Variants in SLC39A11 observed in about 807,000 individuals in gnomAD.
SLC39A11 encodes solute carrier family 39 member 11.
In SLC39A11, 33 loss-of-function variants were observed where a neutral mutation model predicts 36.1. That is an observed-to-expected ratio of 0.91 (90% CI 0.69 to 1.22). The LOEUF (loss-of-function observed/expected upper bound fraction) is 1.22, where lower values mean the gene tolerates loss of function less well. SLC39A11 is among the 50% of genes most tolerant of loss of function. The pLI, the probability that SLC39A11 is intolerant of heterozygous loss-of-function variation, is 0.00. For synonymous variants in SLC39A11, 166 were observed against 170.3 expected, an observed-to-expected ratio of 0.97 and a Z score of 0.20; for missense variants, 432 against 430.3, an observed-to-expected ratio of 1.00 and a Z score of -0.03.
intron 4 of SLC39A11, among the ~76,000 whole-genome samples, chr17:72,955,413 A>C (rs1242416774): frequency 6.8e-6 from 1 of 147,718 alleles, no homozygotes; most frequent in African/African-American, 2.5e-5. Context: ...AGCAATTCTC[A>C]TGCCTCAGCC....
At chr17:72,899,968 GAGAGAGAGAGAGAGAAAGAA>G (rs1340540712) in intron 5 of SLC39A11, among the ~76,000 whole-genome samples, 1 of 115,236 alleles carries the variant, frequency 8.7e-6, no homozygotes, top group Non-Finnish European at 1.7e-5. Flanking sequence ...AAAAAAGAAA[GAGAGAGAGAGAGAGAAAGAA>G]AGAGAGAGAG....
At chr17:72,954,653 G>A (rs780991061) in intron 4 of SLC39A11, among the ~76,000 whole-genome samples, 49 of 152,268 alleles carry the variant, frequency 3.2e-4, no homozygotes, top group Middle Eastern at 6.8e-3. Flanking sequence ...AATGACACTC[G>A]TAACACAATC....
intron 3 of SLC39A11, among the ~76,000 whole-genome samples, chr17:73,074,432 G>C (rs2060256935): frequency 6.6e-6 from 1 of 151,634 alleles, no homozygotes; most frequent in Non-Finnish European, 1.5e-5. Context: ...CGAGTAGCTG[G>C]GATTAAATGC....
At chr17:72,754,051 T>TACACACACACACAC (rs58802713) in intron 6 of SLC39A11, among the ~76,000 whole-genome samples, 2 of 108,056 alleles carry the variant, frequency 1.9e-5, no homozygotes, top group Non-Finnish European at 3.6e-5. Flanking sequence ...TATATACACA[T>TACACACACACACAC]ACACACACAC....
chr17:72,819,472 A>G (rs955935848), intron 6 of SLC39A11, among the ~76,000 whole-genome samples: 2 of 151,336 alleles, frequency 1.3e-5, no homozygotes, highest in Non-Finnish European at 3.0e-5. Flanking sequence ...GCCCTAAGAA[A>G]CTAATATGAA....
chr17:72,656,041 T>C (rs2070101389), intron 7 of SLC39A11, among the ~76,000 whole-genome samples: 1 of 152,142 alleles, frequency 6.6e-6, no homozygotes, highest in African/African-American at 2.4e-5. Flanking sequence ...CTAAACACTC[T>C]GAGCTGACGA....
intron 5 of SLC39A11, among the ~76,000 whole-genome samples, chr17:72,861,782 A>ATATATATATATATATATATC (rs1271434359): frequency 1.1e-5 from 1 of 91,476 alleles, no homozygotes; most frequent in African/African-American, 3.9e-5. Flanking sequence ...ATATATATAT[A>ATATATATATATATATATATC]TCCAATGCTA....
At chr17:72,774,903 C>T (rs1254183268) in intron 6 of SLC39A11, among the ~76,000 whole-genome samples, 1 of 152,072 alleles carries the variant, frequency 6.6e-6, no homozygotes, top group African/African-American at 2.4e-5. Flanking sequence ...ATACCAGCTC[C>T]TTATTCCCTT....
chr17:72,781,285 A>T (rs1177501775), intron 6 of SLC39A11, among the ~76,000 whole-genome samples: 3 of 152,166 alleles, frequency 2.0e-5, no homozygotes, highest in African/African-American at 7.2e-5. Context: ...CGTCAAGAAA[A>T]CCAGCTTCAG....
intron 6 of SLC39A11, among the ~76,000 whole-genome samples, chr17:72,747,320 T>G (rs527737434): frequency 6.6e-6 from 1 of 152,284 alleles, no homozygotes; most frequent in African/African-American, 2.4e-5. Flanking sequence ...CCAGCTAATT[T>G]TTGTATTTTT....
At chr17:73,058,627 G>A (rs534571173) in intron 3 of SLC39A11, among the ~76,000 whole-genome samples, 2 of 152,196 alleles carry the variant, frequency 1.3e-5, no homozygotes, top group African/African-American at 2.4e-5. Context: ...GGAGAAAGAG[G>A]CAAGAGAATT....
At chr17:72,784,734 C>T (rs1049111087) in intron 6 of SLC39A11, among the ~76,000 whole-genome samples, 1 of 152,092 alleles carries the variant, frequency 6.6e-6, no homozygotes, top group Non-Finnish European at 1.5e-5. Flanking sequence ...TATGCCTGCT[C>T]CCCCTTCACC....
At chr17:72,994,887 T>C (rs2089409619) in intron 4 of SLC39A11, among the ~76,000 whole-genome samples, 1 of 152,200 alleles carries the variant, frequency 6.6e-6, no homozygotes, top group African/African-American at 2.4e-5. Context: ...AGGGGGTTAT[T>C]TGGGCTAATT....
chr17:72,736,588 C>T (rs1027965560), intron 7 of SLC39A11, 62 bp downstream of exon 7: 35 of 1,414,116 alleles, frequency 2.5e-5, no homozygotes, highest in South Asian at 1.3e-4. Flanking sequence ...CCAGGTGACA[C>T]GCACACCCAG....
chr17:72,864,622 G>A lies in SLC39A11; in HGVS notation c.431-14818C>T, dbSNP rs546978410. ...AGCCACTATTTCTCCATTCTGCAAG[G>A]TGGAACAGGAAAATAAACATGCTCG... On this transcript the variant is annotated intron_variant, in intron 5 of 9. Transcript: ENST00000255559. Among the ~76,000 whole-genome samples the A allele has an allele frequency of 3.3e-5, 5 of 152,266 alleles. No individual in the cohort carries two copies. The South Asian group carries it at 8.3e-4, about 25-fold the overall frequency.
intron 7 of SLC39A11, among the ~76,000 whole-genome samples, chr17:72,699,874 T>G (rs1191968447): frequency 6.6e-6 from 1 of 152,170 alleles, no homozygotes; most frequent in Non-Finnish European, 1.5e-5. Flanking sequence ...CTTTCGGGTT[T>G]GCTACCTACA....
At chr17:72,654,014 T>C (rs1249765587) in intron 7 of SLC39A11, among the ~76,000 whole-genome samples, 1 of 152,166 alleles carries the variant, frequency 6.6e-6, no homozygotes, top group Non-Finnish European at 1.5e-5. Flanking sequence ...GTCATTCTGG[T>C]CCCTTGTGTT....
At chr17:72,917,466 T>C (rs2083397791) in intron 5 of SLC39A11, among the ~76,000 whole-genome samples, 1 of 152,108 alleles carries the variant, frequency 6.6e-6, no homozygotes, top group South Asian at 2.1e-4. Flanking sequence ...TGGGAACACC[T>C]GGAGCATGTG....
At chr17:72,795,974 G>A (rs973405771) in intron 6 of SLC39A11, among the ~76,000 whole-genome samples, 5 of 152,160 alleles carry the variant, frequency 3.3e-5, no homozygotes, top group African/African-American at 1.2e-4. Context: ...ACTGGGGGGA[G>A]AAGAAATAGT....
Sources: gnomAD v4.1 joint callset for allele counts (sites outside exome capture counted in the v4.1 genomes callset) on GRCh38, gnomAD v4.1.1 for gene constraint, MANE v1.5 for transcripts, NCBI Gene and HGNC (gene_info 2026-07-23, HGNC 2026-07-21) for gene names.